DDX31: variants seen among roughly 807,000 people sequenced by gnomAD.
The protein encoded by DDX31 is ATP-dependent DNA helicase DDX31.
DDX31 carries 70 observed loss-of-function variants against 91.3 expected under a neutral mutation model. That is an observed-to-expected ratio of 0.77 (90% CI 0.63 to 0.94). DDX31 has a LOEUF of 0.94. Ranked by LOEUF, DDX31 falls within the 40% of genes least tolerant of loss-of-function variation. The pLI is 0.00. For synonymous variants in DDX31, 362 were observed against 350.6 expected (o/e 1.03, Z -0.36); for missense variants, 902 against 925.0 (o/e 0.98, Z 0.32).
At position 132,651,090 on chromosome 9, in the gene DDX31, G is replaced by T; in HGVS notation, c.660C>A (p.Val220=). The T allele has an allele frequency of 6.2e-7, 1 of 1,612,528 alleles. No individual in the cohort carries two copies. The highest frequency in any genetic ancestry group is 1.1e-5 in the South Asian group (1 of 90,610). The change falls in exon 8 of 20, where the codon GTC becomes GTA. Residue 220 remains valine, a synonymous_variant. Transcript: ENST00000372159. ...RELALQSFDT[V]QKLLKPFTWI... is the part of the protein sequence containing the mutation. ...TTTGCCTTACCTTAAGCAGTTTCTG[G>T]ACAGTGTCAAAGCTTTGTAGAGCTA...
Position 132,630,287 on chromosome 9 carries a change from G to A in DDX31, c.1608C>T (p.Asn536=), listed in dbSNP as rs774184361. The A allele has an allele frequency of 2.5e-6, 4 of 1,581,904 alleles. No homozygotes were observed. The highest frequency in any genetic ancestry group is 1.1e-5 in the South Asian group (1 of 89,126). ...ILAPSEAEYV[N]SLASHKINVS... ...ACTTGATTTTGTGAGAAGCCAACGA[G>A]TTGACATATTCTGCCTCCGAAGGAG... The change falls in exon 16 of 20, where the codon AAC becomes AAT. Residue 536 remains asparagine, a synonymous_variant. Transcript: ENST00000372159.
chr9:132,606,051 G>A (rs13298277), intron 19 of DDX31, among the ~76,000 whole-genome samples: 45,875 of 152,082 alleles, frequency 0.3, 7,273 homozygotes, highest in Middle Eastern at 0.42. Flanking sequence ...TAAGGAGGCC[G>A]GAGGGATCAA....
intron 18 of DDX31, 98 bp from the exon 19 acceptor site, chr9:132,612,353 C>T (rs1300700142): frequency 2.1e-6 from 3 of 1,408,122 alleles, no homozygotes; most frequent in Non-Finnish European, 3.0e-6. Context: ...TTTATCTTGC[C>T]AGGCAACGAA....
chr9:132,597,786 T>G (rs1830518617), intron 19 of DDX31, among the ~76,000 whole-genome samples: 2 of 152,140 alleles, frequency 1.3e-5, no homozygotes, highest in Non-Finnish European at 1.5e-5. Context: ...CGGGGCCACT[T>G]CTACAGCTCC....
intron 14 of DDX31, among the ~76,000 whole-genome samples, chr9:132,633,876 C>T (rs1466960628): frequency 6.6e-6 from 1 of 152,114 alleles, no homozygotes; most frequent in Non-Finnish European, 1.5e-5. Context: ...AAAATAAAAC[C>T]TGAAACCTAG....
At chr9:132,602,459 CA>C (rs1830772491) in intron 19 of DDX31, among the ~76,000 whole-genome samples, 1 of 152,214 alleles carries the variant, frequency 6.6e-6, no homozygotes, top group South Asian at 2.1e-4. Flanking sequence ...TACCCTTCCC[CA>C]CACCCTACAC....
intron 17 of DDX31, 76 bp downstream of exon 17, chr9:132,625,577 GAAGTAACCCAT>G: frequency 1.1e-6 from 1 of 909,036 alleles, no homozygotes; most frequent in Non-Finnish European, 1.8e-6. Context: ...CTTGACAGAG[GAAGTAACCCAT>G]ACACAAAGTC....
chr9:132,644,664 TC>T (rs1490532976), intron 13 of DDX31, among the ~76,000 whole-genome samples: 55 of 151,822 alleles, frequency 3.6e-4, no homozygotes, highest in Non-Finnish European at 4.4e-5. Context: ...CATACCCAGC[TC>T]CCCCCAACCA....
intron 16 of DDX31, among the ~76,000 whole-genome samples, chr9:132,626,161 A>G (rs1369769446): frequency 6.6e-6 from 1 of 151,874 alleles, no homozygotes; most frequent in Admixed American, 6.5e-5. Flanking sequence ...AAAAGGAAGA[A>G]AAGGGTGGCC....
At position 132,595,661 on chromosome 9, in the gene DDX31, G is replaced by C. The variant is rs1490131322; in HGVS notation, c.1995-549C>G. 6.6e-6 allele frequency among the ~76,000 whole-genome samples: 1 copy of C among 152,114 alleles called. No homozygotes were observed. Among genetic ancestry groups the C allele is most frequent in the Non-Finnish European group, 1.5e-5 (1 of 68,020 alleles). ...GACAGCCAGATAGCTCTTTATGAAC[G>C]GAAAAAACTCTTAAACATATTTCTG... is the stretch of plus-strand genomic sequence containing the variant. On this transcript the variant is annotated intron_variant, in intron 19 of 19. Transcript: ENST00000372159. The surrounding 1 kb of genome is among the most constrained non-coding windows in gnomAD (Gnocchi z 4.6).
chr9:132,668,868 G>A (rs547501968), intron 1 of DDX31, among the ~76,000 whole-genome samples: 15 of 152,180 alleles, frequency 9.9e-5, no homozygotes, highest in Non-Finnish European at 2.2e-4. Context: ...GCGCCCGGCC[G>A]CGGCTTGGTT....
chr9:132,647,841 A>G (rs757114946), intron 11 of DDX31, among the ~76,000 whole-genome samples: 6 of 152,298 alleles, frequency 3.9e-5, no homozygotes, highest in Non-Finnish European at 7.4e-5. Flanking sequence ...ATGCACTCAG[A>G]TAAGAGGTCA....
chr9:132,595,184 TAGC>T lies in DDX31; in HGVS notation c.1995-75_1995-73del, dbSNP rs746047286. 1.3e-6 allele frequency: 2 copies of T among 1,549,414 alleles called. No individual in the cohort carries two copies. The highest frequency in any genetic ancestry group is 2.4e-5 in the South Asian group (2 of 81,886). On this transcript the variant is annotated intron_variant, in intron 19 of 19. Transcript: ENST00000372159. This position sits in a 1 kb window ranked among gnomAD's most constrained non-coding sequence, Gnocchi z 4.6. ...TCTTTCCCATTTGGAAAGAGGCTGA[TAGC>T]AGCTGGTTCTGAGACTGTGAAGCTG... is the stretch of plus-strand genomic sequence containing the variant.
intron 1 of DDX31, among the ~76,000 whole-genome samples, chr9:132,669,316 G>C (rs1288762436): frequency 7.8e-6 from 1 of 128,336 alleles, no homozygotes; most frequent in Non-Finnish European, 1.5e-5. Context: ...AACATGTTTA[G>C]GGGTAATATT....
Position 132,595,826 on chromosome 9 carries a change from A to C in DDX31, c.1995-714T>G, listed in dbSNP as rs1238300627. On this transcript the variant is annotated intron_variant, in intron 19 of 19. Coordinates refer to ENST00000372159, the MANE Select transcript of DDX31 (RefSeq NM_022779.9). The surrounding 1 kb of genome is among the most constrained non-coding windows in gnomAD (Gnocchi z 4.6). Reference sequence around the variant, plus strand: ...CCCTAAGTCACTCAGAAAATGCCAAAGGTTGAAAATCAATTTCCGATGTCG... The same window carrying C: ...CCCTAAGTCACTCAGAAAATGCCAACGGTTGAAAATCAATTTCCGATGTCG... 1.3e-5 allele frequency among the ~76,000 whole-genome samples: 2 copies of C among 152,234 alleles called. No individual in the cohort carries two copies. Among genetic ancestry groups the C allele is most frequent in the African/African-American group, 4.8e-5 (2 of 41,462 alleles).
intron 15 of DDX31, 117 bp from the exon 16 acceptor site, chr9:132,630,520 T>G: frequency 9.4e-7 from 1 of 1,068,590 alleles, no homozygotes; most frequent in Non-Finnish European, 1.3e-6. Flanking sequence ...GGTGCTATGG[T>G]TACCCTAACA....
intron 5 of DDX31, among the ~76,000 whole-genome samples, chr9:132,659,269 T>C (rs1420883320): frequency 6.6e-6 from 1 of 152,150 alleles, no homozygotes; most frequent in East Asian, 1.9e-4. Context: ...TGAGGGCACA[T>C]GAGGGTCAAA....
chr9:132,618,330 C>T lies in DDX31; in HGVS notation c.1825G>A (p.Ala609Thr). The part of the protein sequence containing the change: ...SERRVSWAKK[A>T]LQSFIQAYAT... ...GCAAGCACCTAGGAAATCGACTGAC[C>T]TTTCTTTGCCCAGGAGACCCTCCTC... The change falls in exon 18 of 20, where the codon GCT (alanine) becomes ACT (threonine). Residue 609 changes from alanine to threonine, a missense_variant and splice_region_variant. Ala to Thr is a moderately conservative substitution (Grantham distance 58, BLOSUM62 0). Transcript: ENST00000372159. 2 of 1,607,446 alleles carry T rather than the reference C, an allele frequency of 1.2e-6. No individual in the cohort carries two copies. Among genetic ancestry groups the T allele is most frequent in the South Asian group, 1.1e-5 (1 of 89,418 alleles).
chr9:132,631,376 A>C (rs572644989), intron 15 of DDX31, among the ~76,000 whole-genome samples: 16 of 152,264 alleles, frequency 1.1e-4, no homozygotes, highest in African/African-American at 3.6e-4. Context: ...AGAAGACACA[A>C]TGCCTCCAGT....
Sources: gnomAD v4.1 joint callset for allele counts (sites outside exome capture counted in the v4.1 genomes callset) on GRCh38, gnomAD v4.1.1 for gene constraint, Gnocchi (gnomAD v3.1) non-coding constraint, MANE v1.5 for transcripts, NCBI Gene and HGNC (gene_info 2026-07-23, HGNC 2026-07-21) for gene names.